Variants in ZNF48 observed in about 807,000 individuals in gnomAD.
The protein encoded by ZNF48 is zinc finger protein 553.
A neutral mutation model predicts 40.0 loss-of-function variants in ZNF48; 20 were observed. The ratio of observed to expected loss-of-function variants is 0.50; its 90% CI spans 0.35 to 0.73. The LOEUF (loss-of-function observed/expected upper bound fraction) is 0.73. Ranked by LOEUF, ZNF48 falls within the 30% of genes least tolerant of loss-of-function variation. ZNF48 has a pLI of 0.01. For missense variants in ZNF48, 726 were observed against 851.9 expected (o/e 0.85, Z 1.84); for synonymous variants, 298 against 329.7 (o/e 0.90, Z 1.04).
Position 30,395,718 on chromosome 16 carries a change from C to A in ZNF48, c.-15-62C>A. Reference sequence around the variant, plus strand: ...CGCGCTGGCCGGCAGAGGGCAGCGGCAGGGCGCCGCGGGCCACACATGGCT... The same window carrying A: ...CGCGCTGGCCGGCAGAGGGCAGCGGAAGGGCGCCGCGGGCCACACATGGCT... On this transcript the variant is annotated intron_variant, in intron 1 of 2. Transcript: ENST00000613509. The surrounding 1 kb of genome is among the most constrained non-coding windows in gnomAD (Gnocchi z 5.9). The A allele has an allele frequency of 7.8e-7, 1 of 1,274,392 alleles. No individual in the cohort carries two copies. The highest frequency in any genetic ancestry group is 1.0e-6 in the Non-Finnish European group (1 of 997,370). The allele number at this position is 1,274,392 out of a possible 1,614,324, so 78.9% of individuals were successfully genotyped here. A position where few individuals can be genotyped will look rare whatever the true frequency, so the allele number is the denominator to read the frequency against.
At chr16:30,385,313 A>C (rs2049893091) in intron 1 of ZNF48, among the ~76,000 whole-genome samples, 1 of 151,966 alleles carries the variant, frequency 6.6e-6, no homozygotes, top group Admixed American at 6.6e-5. Context: ...CAGGTTGAGC[A>C]TCTCTATGGT....
At position 30,379,192 on chromosome 16, in the gene ZNF48, G is replaced by A. The variant is rs145888442; in HGVS notation, c.-16+782G>A. ...GTGATGTGGGTTCTCCACTGGAGGG[G>A]GGGCGGCGCGGACCAGCGAACGTCA... On this transcript the variant is annotated intron_variant, in intron 1 of 2. Transcript: ENST00000528032. 3.7e-5 allele frequency: 60 copies of A among 1,613,700 alleles called. 4 individuals carry two copies. In the African/African-American group the frequency reaches 6.5e-4, roughly 18 times the overall value.
Position 30,381,830 on chromosome 16 carries a change from CT to C in ZNF48, c.-16+3422del. The C allele has an allele frequency of 6.2e-7, 1 of 1,614,210 alleles. No homozygotes were observed. Among genetic ancestry groups the C allele is most frequent in the Non-Finnish European group, 8.5e-7 (1 of 1,180,026 alleles). ...AGGGTCAGCTTCACTTTCACACCCC[CT>C]TCCTCAATCTCTACGCCCCGGCGCT... On this transcript the variant is annotated intron_variant, in intron 1 of 2. Transcript: ENST00000528032. The surrounding 1 kb of genome is among the most constrained non-coding windows in gnomAD (Gnocchi z 4.3).
chr16:30,387,145 G>A (rs577191316), intron 1 of ZNF48, among the ~76,000 whole-genome samples: 43 of 147,646 alleles, frequency 2.9e-4, no homozygotes, highest in East Asian at 2.0e-3. Flanking sequence ...GGGTTTCACC[G>A]TGTTAGCCAG....
At chr16:30,380,073 A>T in intron 1 of ZNF48, 1 of 1,525,094 alleles carries the variant, frequency 6.6e-7, no homozygotes, top group Middle Eastern at 1.7e-4. Context: ...GAAACGGGCC[A>T]CAATGACAGA....
chr16:30,396,462 T>C (rs528866518), intron 2 of ZNF48, among the ~76,000 whole-genome samples: 1 of 152,140 alleles, frequency 6.6e-6, no homozygotes, highest in Non-Finnish European at 1.5e-5. Flanking sequence ...CATTGATACT[T>C]TAATCTTATC....
Position 30,381,502 on chromosome 16 carries a change from G to C in ZNF48, c.-16+3092G>C. 1 of 1,613,468 alleles carries C rather than the reference G, an allele frequency of 6.2e-7. No individual in the cohort carries two copies. ...GGTGTGGGGAGAGGATGTGAGGTCA[G>C]AGATCAAAGGCCAGAGGGCAGGGGG... On this transcript the variant is annotated intron_variant, in intron 1 of 2. Coordinates refer to the ZNF48 transcript ENST00000528032. This position sits in a 1 kb window ranked among gnomAD's most constrained non-coding sequence, Gnocchi z 4.3.
upstream of ZNF48, among the ~76,000 whole-genome samples, chr16:30,394,277 C>T (rs977362839): frequency 2.0e-5 from 3 of 152,146 alleles, no homozygotes; most frequent in Non-Finnish European, 4.4e-5. Context: ...CTTTTTATCC[C>T]CAACTCTTGG....
chr16:30,381,867 G>T lies in ZNF48; in HGVS notation c.-16+3457G>T. 1 of 1,614,120 alleles carries T rather than the reference G, an allele frequency of 6.2e-7. No homozygotes were observed. The highest frequency in any genetic ancestry group is 8.5e-7 in the Non-Finnish European group (1 of 1,180,008). ...CTACGCCCCGGCGCTCAATGGCCAG[G>T]GTCTGTGTCAAGCGAGCTGTGGGAT... On this transcript the variant is annotated intron_variant, in intron 1 of 2. Coordinates refer to the ZNF48 transcript ENST00000528032. The surrounding 1 kb of genome is among the most constrained non-coding windows in gnomAD (Gnocchi z 4.3).
chr16:30,378,736 C>T (rs1038534122), intron 1 of ZNF48: 5 of 1,581,082 alleles, frequency 3.2e-6, no homozygotes, highest in Non-Finnish European at 4.3e-6. Flanking sequence ...GAATCAGGAG[C>T]GGGACCTGAG....
At position 30,381,998 on chromosome 16, in the gene ZNF48, A is replaced by C; in HGVS notation, c.-16+3588A>C. 1 of 1,603,010 alleles carries C rather than the reference A, an allele frequency of 6.2e-7. No homozygotes were observed. The highest frequency in any genetic ancestry group is 1.1e-5 in the South Asian group (1 of 90,512). ...TCCCAGGGGAGGAAAGTCTCAGAAAAAAAGCAGTCAACTACCTGAGTCCCC... is the reference window on the plus strand; with the variant it reads ...TCCCAGGGGAGGAAAGTCTCAGAAACAAAGCAGTCAACTACCTGAGTCCCC... On this transcript the variant is annotated intron_variant, in intron 1 of 2. Transcript: ENST00000528032. This position sits in a 1 kb window ranked among gnomAD's most constrained non-coding sequence, Gnocchi z 4.3.
Position 30,398,956 on chromosome 16 carries a change from A to G in ZNF48, c.1706A>G (p.Lys569Arg). The change falls in exon 3 of 3, where the codon AAG becomes AGG. Residue 569 changes from lysine (K) to arginine (R), a missense_variant. This residue lies in a region of ZNF48 where 166 missense variants were observed against 163.6 expected (regional missense o/e 1.01). Transcript: ENST00000613509. The surrounding 1 kb of genome is among the most constrained non-coding windows in gnomAD (Gnocchi z 6.6). ...VKHRRTHTGE[K>R]PYKCAECGKG... ...CACAGGCGTACACACACGGGGGAGA[A>G]GCCATACAAGTGTGCAGAGTGTGGC... 1 of 1,614,032 alleles carries G rather than the reference A, an allele frequency of 6.2e-7. No individual in the cohort carries two copies. Among genetic ancestry groups the G allele is most frequent in the Non-Finnish European group, 8.5e-7 (1 of 1,179,976 alleles).
intron 1 of ZNF48, among the ~76,000 whole-genome samples, chr16:30,383,624 C>G (rs1439488809): frequency 6.6e-6 from 1 of 152,148 alleles, no homozygotes; most frequent in African/African-American, 2.4e-5. Flanking sequence ...CACCACTGCC[C>G]GAGAGATTTT....
intron 1 of ZNF48, chr16:30,378,586 G>C: frequency 6.2e-7 from 1 of 1,610,798 alleles, no homozygotes; most frequent in Non-Finnish European, 8.5e-7. Context: ...GCATCGGTCG[G>C]GGGGAAGCGA....
In ZNF48 at chr16:30,398,099, G is replaced by C; in HGVS notation, c.849G>C (p.Arg283Ser). Reference sequence around the variant, plus strand: ...ATATCTGCACTGATTGCGGCAAGAGGTTTGTGCTCAGCTGCAGCCTCCTGA... The same window carrying C: ...ATATCTGCACTGATTGCGGCAAGAGCTTTGTGCTCAGCTGCAGCCTCCTGA... ...KPYICTDCGK[R>S]FVLSCSLLSH... The change falls in exon 3 of 3, where the codon AGG (arginine) becomes AGC (serine). Residue 283 changes from arginine (R) to serine (S), a missense_variant. Around this residue, in one of 5 missense-constraint regions of ZNF48, gnomAD observed 378 missense variants for 449.1 expected, o/e 0.84. Transcript: ENST00000613509. This position sits in a 1 kb window ranked among gnomAD's most constrained non-coding sequence, Gnocchi z 6.6. 1.2e-6 allele frequency: 2 copies of C among 1,613,576 alleles called. No individual in the cohort carries two copies. Among genetic ancestry groups the C allele is most frequent in the Non-Finnish European group, 1.7e-6 (2 of 1,179,642 alleles).
At chr16:30,392,105 C>G (rs191374535), upstream of ZNF48, among the ~76,000 whole-genome samples, 2 of 152,346 alleles carry the variant, frequency 1.3e-5, no homozygotes, top group African/African-American at 4.8e-5. Context: ...TAACTGGAAG[C>G]TCCGCCTCCC....
chr16:30,379,364 T>G, intron 1 of ZNF48: 1 of 1,469,670 alleles, frequency 6.8e-7, no homozygotes, highest in East Asian at 2.3e-5. Context: ...CAACTTCACA[T>G]GTTGAGTGCG....
In ZNF48 at chr16:30,381,099, G is replaced by A. The variant is rs772170919; in HGVS notation, c.-16+2689G>A. ...GAAATCAGGTTTGGCTTCACATGGG[G>A]TCAAAGGTCAGAGGTCATCACTCAC... On this transcript the variant is annotated intron_variant, in intron 1 of 2. Transcript: ENST00000528032. The surrounding 1 kb of genome is among the most constrained non-coding windows in gnomAD (Gnocchi z 4.3). 1.5e-5 allele frequency: 24 copies of A among 1,565,222 alleles called. No homozygotes were observed. The East Asian group carries it at 5.4e-4, about 35-fold the overall frequency.
chr16:30,390,018 A>G (rs979265637), intron 1 of ZNF48, among the ~76,000 whole-genome samples: 2 of 151,422 alleles, frequency 1.3e-5, no homozygotes, highest in African/African-American at 4.8e-5. Context: ...AGATGGGGTC[A>G]CTATGTTGGC....
Sources: allele counts gnomAD v4.1 joint callset (sites outside exome capture counted in the v4.1 genomes callset), GRCh38; gene constraint gnomAD v4.1.1; regional missense constraint gnomAD v4.1.1; non-coding constraint Gnocchi (gnomAD v3.1); transcripts MANE v1.5; gene names NCBI Gene and HGNC (gene_info 2026-07-23, HGNC 2026-07-21).